MSH3: variants seen among roughly 807,000 people sequenced by gnomAD.
MSH3 encodes the protein DNA mismatch repair protein Msh3.
Under a neutral mutation model 123.3 loss-of-function variants are expected in MSH3, and 106 were observed. That is an observed-to-expected ratio of 0.86 (90% CI 0.73 to 1.01). The LOEUF (loss-of-function observed/expected upper bound fraction) is 1.01. Among genes scored for constraint, MSH3 ranks in the 50% least tolerant of loss-of-function variants. The pLI is 0.00. For missense variants in MSH3, 1,459 were observed against 1,347.6 expected (o/e 1.08, Z -1.29); for synonymous variants, 515 against 481.4 (o/e 1.07, Z -0.91).
At chr5:80,785,917 T>C (rs1001926058) in intron 17 of MSH3, among the ~76,000 whole-genome samples, 4 of 145,690 alleles carry the variant, frequency 2.7e-5, no homozygotes, top group African/African-American at 1.0e-4. Flanking sequence ...CACATGTTCT[T>C]ACTCACAGGT....
At position 80,672,307 on chromosome 5, in the gene MSH3, C is replaced by A. The variant is rs1249933854; in HGVS notation, c.856C>A (p.Pro286Thr). ...TCACAACTTTATGACAGCAAGTATA[C>A]CTACTCACAGACTGTTTGTTCATGT... ...LDHNFMTASI[P>T]THRLFVHVRR... Residue 286 changes from proline (P) to threonine (T), a missense_variant, in exon 5 of 24, where the codon CCT becomes ACT. Physicochemically the swap from Pro to Thr is conservative, Grantham distance 38. Coordinates refer to ENST00000265081, the MANE Select transcript of MSH3 (RefSeq NM_002439.5). 6 of 1,613,870 alleles carry A rather than the reference C, an allele frequency of 3.7e-6. No individual in the cohort carries two copies. In the East Asian group the frequency reaches 8.9e-5, roughly 24 times the overall value.
chr5:80,712,489 A>T (rs959957745), intron 8 of MSH3, among the ~76,000 whole-genome samples: 3 of 151,960 alleles, frequency 2.0e-5, no homozygotes, highest in Admixed American at 6.6e-5. Context: ...TATTCACCTA[A>T]TATATACCTC....
chr5:80,830,978 T>C (rs1465613311), intron 20 of MSH3, among the ~76,000 whole-genome samples: 4 of 152,228 alleles, frequency 2.6e-5, no homozygotes, highest in African/African-American at 4.8e-5. Context: ...GGAAGGATTA[T>C]ATGAGAGAAA....
In MSH3 at chr5:80,714,203, T is replaced by C. The variant is rs184600435; in HGVS notation, c.1341-11250T>C. Among the ~76,000 whole-genome samples, 1,103 of 145,896 alleles carry C rather than the reference T, an allele frequency of 7.6e-3. 6 individuals are homozygous for C. Among genetic ancestry groups the C allele is most frequent in the Admixed American group, 0.013 (186 of 14,132 alleles). On this transcript the variant is annotated intron_variant, in intron 8 of 23. Coordinates refer to ENST00000265081, the MANE Select transcript of MSH3 (RefSeq NM_002439.5). Reference sequence around the variant, plus strand: ...CAGGCTAGAGTGTGGTGGTGCAATCTTGGCTCACTGTAACCTCCGCCTCCC... The same window carrying C: ...CAGGCTAGAGTGTGGTGGTGCAATCCTGGCTCACTGTAACCTCCGCCTCCC...
At chr5:80,820,515 C>G (rs1333541883) in intron 20 of MSH3, among the ~76,000 whole-genome samples, 1 of 151,724 alleles carries the variant, frequency 6.6e-6, no homozygotes, top group African/African-American at 2.4e-5. Context: ...TCCCCTATTC[C>G]TAGTACTAAG....
chr5:80,682,225 A>G (rs1021944589), intron 8 of MSH3, among the ~76,000 whole-genome samples: 2 of 152,124 alleles, frequency 1.3e-5, no homozygotes, highest in African/African-American at 4.8e-5. Flanking sequence ...TGAGTTGGAA[A>G]ACTAGCTCTT....
intron 8 of MSH3, among the ~76,000 whole-genome samples, chr5:80,720,983 A>G (rs928781182): frequency 2.0e-5 from 3 of 152,208 alleles, no homozygotes; most frequent in African/African-American, 7.2e-5. Flanking sequence ...GTGGAAGAAT[A>G]CTTTTACCCT....
At chr5:80,788,399 T>C (rs1459507995) in intron 18 of MSH3, among the ~76,000 whole-genome samples, 1 of 152,110 alleles carries the variant, frequency 6.6e-6, no homozygotes, top group East Asian at 1.9e-4. Context: ...ATCGTGCCAC[T>C]GCACTCCATC....
intron 20 of MSH3, among the ~76,000 whole-genome samples, chr5:80,832,065 G>A (rs189168676): frequency 8.2e-4 from 125 of 152,058 alleles, no homozygotes; most frequent in African/African-American, 2.7e-3. Context: ...AGCTGAGATC[G>A]CGCCACTGCA....
chr5:80,741,594 A>G (rs1743615751), intron 11 of MSH3, 46 bp downstream of exon 11: 1 of 1,381,974 alleles, frequency 7.2e-7, no homozygotes, highest in Non-Finnish European at 1.0e-6. Flanking sequence ...GTTTTGGGAA[A>G]AACTTCTGAG....
Position 80,665,172 on chromosome 5 carries a change from G to A in MSH3, c.388G>A (p.Val130Ile). The A allele has an allele frequency of 6.2e-7, 1 of 1,614,012 alleles. No homozygotes were observed. Among genetic ancestry groups the A allele is most frequent in the Non-Finnish European group, 8.5e-7 (1 of 1,179,938 alleles). ...AAAGAAATGTCTGAGGACCAGGAAT[G>A]TTTCAAAGTCTCTGGAAAAATTGAA... The part of the protein sequence containing the change: ...EPKKCLRTRN[V>I]SKSLEKLKEF... The change falls in exon 3 of 24, where the codon GTT (valine) becomes ATT (isoleucine). Residue 130 changes from valine to isoleucine, a missense_variant. Physicochemically the swap from Val to Ile is conservative, Grantham distance 29. Transcript: ENST00000265081.
chr5:80,765,970 T>A (rs566397026), intron 13 of MSH3, among the ~76,000 whole-genome samples: 5 of 152,310 alleles, frequency 3.3e-5, no homozygotes, highest in South Asian at 2.1e-4. Flanking sequence ...TTAGATGACT[T>A]CATTATCTTT....
chr5:80,675,600 C>G (rs1749822863), intron 7 of MSH3, among the ~76,000 whole-genome samples: 3 of 152,156 alleles, frequency 2.0e-5, no homozygotes, highest in African/African-American at 7.2e-5. Context: ...GAAATCTGGC[C>G]TCACAATCTA....
At chr5:80,733,670 C>T (rs190698828) in intron 10 of MSH3, among the ~76,000 whole-genome samples, 1 of 152,004 alleles carries the variant, frequency 6.6e-6, no homozygotes, top group Admixed American at 6.5e-5. Context: ...ATGATCCATA[C>T]AGGTTTTTCT....
At chr5:80,718,550 A>G (rs77860356) in intron 8 of MSH3, among the ~76,000 whole-genome samples, 16,902 of 148,176 alleles carry the variant, frequency 0.11, 1,358 homozygotes, top group East Asian at 0.33. Flanking sequence ...GAGTTTTCCA[A>G]AGTCTGGATT....
chr5:80,768,162 A>G lies in MSH3; in HGVS notation c.2084+42A>G, dbSNP rs754707480. 6.5e-6 allele frequency: 10 copies of G among 1,539,962 alleles called. No individual in the cohort carries two copies. The South Asian group carries it at 8.9e-5, about 14-fold the overall frequency. On this transcript the variant is annotated intron_variant, in intron 14 of 23. Transcript: ENST00000265081. ...GAATTCTTCCTTTTCACCAGTCAGT[A>G]TAATTCAGTGCATTTGCCATTTATT...
chr5:80,696,728 GTTCTTCAATCAAGATC>G (rs1161527948), intron 8 of MSH3, among the ~76,000 whole-genome samples: 1 of 152,104 alleles, frequency 6.6e-6, no homozygotes, highest in African/African-American at 2.4e-5. Flanking sequence ...AGAAGCAGAA[GTTCTTCAATCAAGATC>G]TTATTTTAGA....
chr5:80,857,410 G>A (rs1463256888), intron 21 of MSH3, among the ~76,000 whole-genome samples: 1 of 152,180 alleles, frequency 6.6e-6, no homozygotes, highest in Non-Finnish European at 1.5e-5. Flanking sequence ...CATAGAATGA[G>A]TTAGAAAGTA....
At chr5:80,824,591 A>G (rs1474804353) in intron 20 of MSH3, among the ~76,000 whole-genome samples, 2 of 152,256 alleles carry the variant, frequency 1.3e-5, no homozygotes, top group African/African-American at 4.8e-5. Context: ...GTGTTGAATT[A>G]TAAAAATAAT....
Sources: allele counts gnomAD v4.1 joint callset (sites outside exome capture counted in the v4.1 genomes callset), GRCh38; gene constraint gnomAD v4.1.1; transcripts MANE v1.5; gene names NCBI Gene and HGNC (gene_info 2026-07-23, HGNC 2026-07-21).